The following CDH17 variants were observed in gnomAD, a reference collection of about 807,000 sequenced individuals.
CDH17 encodes cadherin-17.
Under a neutral mutation model 86.3 loss-of-function variants are expected in CDH17, and 67 were observed. The ratio of observed to expected loss-of-function variants is 0.78; its 90% CI spans 0.64 to 0.95. The LOEUF (loss-of-function observed/expected upper bound fraction) is 0.95. CDH17 is among the 40% of genes least tolerant of loss of function. The pLI is 0.00. For synonymous variants in CDH17, 367 were observed against 366.4 expected, an observed-to-expected ratio of 1.00 and a Z score of -0.02; for missense variants, 993 against 1,017.6, an observed-to-expected ratio of 0.98 and a Z score of 0.33.
chr8:94,194,628 C>T lies in CDH17; in HGVS notation c.51+7G>A. 3 of 1,587,188 alleles carry T rather than the reference C, an allele frequency of 1.9e-6. No homozygotes were observed. The South Asian group carries it at 3.3e-5, about 18-fold the overall frequency. Reference sequence around the variant, plus strand: ...AACAAATAGAGAAGAACACCCTCTTCTCTTACCAAATAAAGCATAAGAAGA... The same window carrying T: ...AACAAATAGAGAAGAACACCCTCTTTTCTTACCAAATAAAGCATAAGAAGA... On this transcript the variant is annotated splice_region_variant and intron_variant, in intron 2 of 17. Transcript: ENST00000027335.
At chr8:94,190,041 T>C (rs1813657260) in intron 2 of CDH17, among the ~76,000 whole-genome samples, 1 of 152,330 alleles carries the variant, frequency 6.6e-6, no homozygotes, top group Admixed American at 6.5e-5. Flanking sequence ...GTAGTGAATG[T>C]GGCTGGGATG....
upstream of CDH17, among the ~76,000 whole-genome samples, chr8:94,211,158 C>T (rs1814116704): frequency 6.6e-6 from 1 of 151,864 alleles, no homozygotes; most frequent in Non-Finnish European, 1.5e-5. Flanking sequence ...CCAATATTAT[C>T]CCTAGAAAAT....
chr8:94,199,461 A>ATT (rs5893273), intron 1 of CDH17, among the ~76,000 whole-genome samples: 4,474 of 148,406 alleles, frequency 0.03, 209 homozygotes, highest in African/African-American at 0.1. Context: ...TCTTGAACTA[A>ATT]TTTTTTTTTT....
In CDH17 at chr8:94,127,780, T is replaced by A. The variant is rs1465509249; in HGVS notation, c.*460A>T. 3 of 153,248 alleles carry A rather than the reference T, an allele frequency of 2.0e-5. No individual in the cohort carries two copies. The highest frequency in any genetic ancestry group is 7.2e-5 in the African/African-American group (3 of 41,412). The allele number at this position is 153,248 out of a possible 1,614,324, so 9.5% of individuals were successfully genotyped here. On this transcript the variant is annotated 3_prime_UTR_variant, in exon 18 of 18. Transcript: ENST00000027335. ...AGAGAGGAAAAATGTCATGGAAAAA[T>A]GAAAAATCTCTCTAATGTCTATAGC... is the stretch of plus-strand genomic sequence containing the variant.
intron 12 of CDH17, among the ~76,000 whole-genome samples, chr8:94,154,360 T>C (rs1812909577): frequency 6.6e-6 from 1 of 152,174 alleles, no homozygotes; most frequent in Non-Finnish European, 1.5e-5. Flanking sequence ...AACAGAAATG[T>C]ATTGATTCTC....
At chr8:94,159,870 T>C (rs532690631) in intron 12 of CDH17, 101 bp downstream of exon 12, 5 of 797,274 alleles carry the variant, frequency 6.3e-6, no homozygotes, top group South Asian at 2.8e-5. Context: ...GCCTGAGAGA[T>C]GGCTGCTAAT....
At chr8:94,195,010 G>A (rs1248311421) in intron 1 of CDH17, among the ~76,000 whole-genome samples, 1 of 152,090 alleles carries the variant, frequency 6.6e-6, no homozygotes, top group Non-Finnish European at 1.5e-5. Context: ...TGTTTGTTTT[G>A]GGGTTTTTGG....
At chr8:94,133,694 G>A (rs895757455) in intron 15 of CDH17, among the ~76,000 whole-genome samples, 1 of 152,180 alleles carries the variant, frequency 6.6e-6, no homozygotes, top group East Asian at 1.9e-4. Flanking sequence ...CCAACACTGT[G>A]TTGAATAGGA....
chr8:94,205,107 G>T (rs1813999537), intron 1 of CDH17, among the ~76,000 whole-genome samples: 1 of 152,266 alleles, frequency 6.6e-6, no homozygotes, highest in South Asian at 2.1e-4. Flanking sequence ...AAGAATTTCA[G>T]CATTGACTTC....
intron 1 of CDH17, chr8:94,201,975 C>A: frequency 4.3e-6 from 1 of 232,056 alleles, no homozygotes; most frequent in East Asian, 1.2e-4. Flanking sequence ...TGCAGGTAGC[C>A]CTGGAGCTGA....
chr8:94,139,539 A>C (rs1220924054), intron 15 of CDH17, among the ~76,000 whole-genome samples: 1 of 152,242 alleles, frequency 6.6e-6, no homozygotes, highest in Admixed American at 6.5e-5. Context: ...ATTACTTAAA[A>C]GTAATAAGAG....
intron 14 of CDH17, among the ~76,000 whole-genome samples, chr8:94,148,403 A>G (rs1032798522): frequency 1.3e-5 from 2 of 151,798 alleles, no homozygotes; most frequent in Admixed American, 6.6e-5. Flanking sequence ...TTAGCCAGGC[A>G]TGGTGGTGGG....
intron 17 of CDH17, among the ~76,000 whole-genome samples, chr8:94,130,135 G>T (rs1325904181): frequency 6.6e-6 from 1 of 152,160 alleles, no homozygotes; most frequent in African/African-American, 2.4e-5. Flanking sequence ...GGGTTATTCT[G>T]GGTAGTAAAG....
At chr8:94,188,785 C>A (rs1813629624) in intron 3 of CDH17, among the ~76,000 whole-genome samples, 1 of 152,192 alleles carries the variant, frequency 6.6e-6, no homozygotes, top group South Asian at 2.1e-4. Flanking sequence ...GGCCAGAAAG[C>A]TCATTCTAGC....
chr8:94,149,830 G>A (rs1159042378), intron 13 of CDH17, among the ~76,000 whole-genome samples: 1 of 152,100 alleles, frequency 6.6e-6, no homozygotes, highest in East Asian at 1.9e-4. Flanking sequence ...ATGAAGTTGA[G>A]ACAGACAAGA....
chr8:94,128,127 G>A lies in CDH17; in HGVS notation c.*113C>T. ...ATATTTAGCAAATATTAAAGGACAAGAGGGAATATCTGTTTAAAAAATTAT... is the reference window on the plus strand; with the variant it reads ...ATATTTAGCAAATATTAAAGGACAAAAGGGAATATCTGTTTAAAAAATTAT... On this transcript the variant is annotated 3_prime_UTR_variant, in exon 18 of 18. Coordinates refer to ENST00000027335, the MANE Select transcript of CDH17 (RefSeq NM_004063.4). 1 of 702,922 alleles carries A rather than the reference G, an allele frequency of 1.4e-6. No individual in the cohort carries two copies. Among genetic ancestry groups the A allele is most frequent in the Non-Finnish European group, 2.5e-6 (1 of 404,036 alleles). The allele number at this position is 702,922 out of a possible 1,614,324, so 43.5% of individuals were successfully genotyped here. A position where few individuals can be genotyped will look rare whatever the true frequency, so the allele number is the denominator to read the frequency against.
At chr8:94,197,970 A>G (rs1363888544) in intron 1 of CDH17, among the ~76,000 whole-genome samples, 1 of 152,118 alleles carries the variant, frequency 6.6e-6, no homozygotes. Flanking sequence ...CTAAAGACAT[A>G]CAGCTAGGAA....
intron 1 of CDH17, chr8:94,197,151 T>C (rs2130674632): frequency 6.6e-6 from 1 of 152,272 alleles, no homozygotes; most frequent in South Asian, 2.1e-4. Context: ...AACTCACTTC[T>C]TGTTTGCCCA....
rs558581485 is a variant in CDH17, at chr8:94,192,836, C to T, written c.51+1799G>A. On this transcript the variant is annotated intron_variant, in intron 2 of 17. Transcript: ENST00000027335. ...TGGTGCCCCTGAAGTACATCAATGC[C>T]GTATTTGTGTTTCTAACCCTCTGAT... 1.4e-4 allele frequency among the ~76,000 whole-genome samples: 22 copies of T among 152,250 alleles called. 1 individual carries two copies. The South Asian group carries it at 4.1e-3, about 29-fold the overall frequency.
Sources: gnomAD v4.1 joint callset for allele counts (sites outside exome capture counted in the v4.1 genomes callset) on GRCh38, gnomAD v4.1.1 for gene constraint, MANE v1.5 for transcripts, NCBI Gene and HGNC (gene_info 2026-07-23, HGNC 2026-07-21) for gene names.